GPHN: variants seen among roughly 807,000 people sequenced by gnomAD.
The protein encoded by GPHN is gephyrin.
In GPHN, 17 loss-of-function variants were observed where a neutral mutation model predicts 95.5. The observed-to-expected ratio is 0.18, with a 90% CI of 0.12 to 0.27. The LOEUF is 0.27. Among genes scored for constraint, GPHN ranks in the 10% least tolerant of loss-of-function variants. The probability of loss-of-function intolerance (pLI) is 1.00; values close to 1 mark genes in which losing one functional copy is unlikely to be tolerated. For synonymous variants in GPHN, 320 were observed against 322.5 expected (o/e 0.99, Z 0.08); for missense variants, 660 against 978.1 (o/e 0.67, Z 4.34).
At chr14:67,009,244 A>G (rs990349145) in intron 9 of GPHN, among the ~76,000 whole-genome samples, 7 of 151,974 alleles carry the variant, frequency 4.6e-5, no homozygotes, top group Non-Finnish European at 1.0e-4. Flanking sequence ...ATTGTTATTA[A>G]TTTTTGTGTT....
intron 4 of GPHN, among the ~76,000 whole-genome samples, chr14:66,857,112 T>A (rs1311560502): frequency 1.3e-5 from 2 of 152,096 alleles, no homozygotes; most frequent in African/African-American, 4.8e-5. Context: ...GTTTGGGCAG[T>A]CAGTAATATG....
chr14:67,176,993 GTCTA>G (rs1395551895), intron 21 of GPHN, among the ~76,000 whole-genome samples: 1 of 152,118 alleles, frequency 6.6e-6, no homozygotes, highest in African/African-American at 2.4e-5. Flanking sequence ...CTTGCTAAGA[GTCTA>G]TCTATTTTGT....
the GPHN span, among the ~76,000 whole-genome samples, chr14:67,550,158 T>TTAAAAA: frequency 6.9e-6 from 1 of 145,206 alleles, no homozygotes; most frequent in Non-Finnish European, 1.5e-5. Context: ...GATCTGTTGC[T>TTAAAAA]AAAAAAAAAA....
chr14:66,902,823 T>G (rs2065184446), intron 5 of GPHN, among the ~76,000 whole-genome samples: 1 of 152,106 alleles, frequency 6.6e-6, no homozygotes, highest in African/African-American at 2.4e-5. Context: ...GGTTTCTCTT[T>G]TTGTTTTATC....
At chr14:67,584,907 C>A in the GPHN span, among the ~76,000 whole-genome samples, 1 of 152,038 alleles carries the variant, frequency 6.6e-6, no homozygotes, top group Non-Finnish European at 1.5e-5. Context: ...TAACAGGGAC[C>A]CACTTGGTCT....
At chr14:66,992,404 A>G (rs2071497467) in intron 9 of GPHN, among the ~76,000 whole-genome samples, 6 of 152,208 alleles carry the variant, frequency 3.9e-5, no homozygotes, top group Non-Finnish European at 8.8e-5. Context: ...GTCACCCAAA[A>G]TAAGACTACC....
At chr14:66,814,371 A>G (rs1192319194) in intron 3 of GPHN, among the ~76,000 whole-genome samples, 1 of 152,076 alleles carries the variant, frequency 6.6e-6, no homozygotes, top group Non-Finnish European at 1.5e-5. Context: ...TGCCTCCACC[A>G]CTATGGTGAA....
intron 6 of GPHN, among the ~76,000 whole-genome samples, chr14:66,917,681 T>C (rs2065988498): frequency 1.3e-5 from 2 of 152,216 alleles, no homozygotes; most frequent in East Asian, 3.8e-4. Flanking sequence ...TCATTTTAGC[T>C]AGCATAGATA....
intron 8 of GPHN, among the ~76,000 whole-genome samples, chr14:66,925,288 G>A (rs1021984056): frequency 2.0e-5 from 3 of 152,032 alleles, no homozygotes; most frequent in Admixed American, 6.6e-5. Context: ...CATTCCAATT[G>A]TATTCCCTAA....
the GPHN span, among the ~76,000 whole-genome samples, chr14:67,250,950 G>C: frequency 1.3e-5 from 2 of 152,112 alleles, no homozygotes; most frequent in Admixed American, 1.3e-4. Context: ...GCTGTATGCT[G>C]TATCCTTTGT....
the GPHN span, among the ~76,000 whole-genome samples, chr14:67,582,552 C>T: frequency 6.6e-6 from 1 of 152,196 alleles, no homozygotes; most frequent in East Asian, 1.9e-4. This position sits in a 1 kb window ranked among gnomAD's most constrained non-coding sequence, Gnocchi z 5.0. Flanking sequence ...GGAGCAGTGG[C>T]TCATGCCTGT....
chr14:67,465,569 C>T, the GPHN span, among the ~76,000 whole-genome samples: 24 of 152,190 alleles, frequency 1.6e-4, no homozygotes, highest in Non-Finnish European at 3.4e-4. Context: ...TAAATCCTTG[C>T]GTTCCCTCCC....
chr14:67,602,581 T>A, the GPHN span, among the ~76,000 whole-genome samples: 4 of 152,370 alleles, frequency 2.6e-5, no homozygotes, highest in Non-Finnish European at 4.4e-5. Context: ...TGGGGAAGCC[T>A]GTAGTCCTGG....
chr14:67,169,164 T>C, intron 21 of GPHN, 128 bp downstream of exon 21: 1 of 707,390 alleles, frequency 1.4e-6, no homozygotes, highest in Non-Finnish European at 2.6e-6. Flanking sequence ...GATTATATTC[T>C]CCCCCTGTGT....
At chr14:66,780,552 T>A (rs953196136) in intron 3 of GPHN, among the ~76,000 whole-genome samples, 1 of 152,132 alleles carries the variant, frequency 6.6e-6, no homozygotes, top group Non-Finnish European at 1.5e-5. Flanking sequence ...GTGCTTTTTT[T>A]ATTTTAGAGT....
At chr14:67,620,745 C>T in the GPHN span, 1 of 722,044 alleles carries the variant, frequency 1.4e-6, no homozygotes, top group Non-Finnish European at 2.3e-6. Context: ...TGATGTGATT[C>T]CAACAATGGA....
intron 18 of GPHN, among the ~76,000 whole-genome samples, chr14:67,145,979 C>T (rs1407246059): frequency 6.6e-6 from 1 of 152,196 alleles, no homozygotes; most frequent in African/African-American, 2.4e-5. Context: ...TTAAGCAGCA[C>T]CAAAGCATCA....
chr14:66,645,436 C>T (rs1477262874), intron 1 of GPHN, among the ~76,000 whole-genome samples: 1 of 151,950 alleles, frequency 6.6e-6, no homozygotes, highest in Non-Finnish European at 1.5e-5. Flanking sequence ...TGTGTAATCC[C>T]AGCGCTTTGG....
intron 11 of GPHN, 198 bp downstream of exon 11, chr14:67,058,984 T>C: frequency 2.3e-6 from 1 of 438,222 alleles, no homozygotes; most frequent in Non-Finnish European, 3.9e-6. Flanking sequence ...CAGAGTAAAA[T>C]CCATGAAACT....
Sources: allele counts gnomAD v4.1 joint callset (sites outside exome capture counted in the v4.1 genomes callset), GRCh38; gene constraint gnomAD v4.1.1; non-coding constraint Gnocchi (gnomAD v3.1); transcripts MANE v1.5; gene names NCBI Gene and HGNC (gene_info 2026-07-23, HGNC 2026-07-21).